ECT2L: variants seen among roughly 807,000 people sequenced by gnomAD.
ECT2L encodes epithelial cell-transforming sequence 2 oncogene-like.
In ECT2L, 126 loss-of-function variants were observed where a neutral mutation model predicts 122.8. The observed-to-expected ratio is 1.03, with a 90% confidence interval of 0.89 to 1.19. The LOEUF (loss-of-function observed/expected upper bound fraction) is 1.19. Ranked by LOEUF, ECT2L falls within the 50% of genes most tolerant of loss-of-function variation. ECT2L has a pLI of 0.00. For synonymous variants in ECT2L, 385 were observed against 381.8 expected, an observed-to-expected ratio of 1.01 and a Z score of -0.10; for missense variants, 1,012 against 1,064.1, an observed-to-expected ratio of 0.95 and a Z score of 0.68.
chr6:138,883,444 C>T (rs1778709625), intron 16 of ECT2L, among the ~76,000 whole-genome samples: 2 of 152,206 alleles, frequency 1.3e-5, no homozygotes, highest in African/African-American at 2.4e-5. Flanking sequence ...ATGGGAATAA[C>T]ATCCCTCTTT....
intron 18 of ECT2L, among the ~76,000 whole-genome samples, chr6:138,886,501 T>G (rs778161353): frequency 2.1e-4 from 31 of 150,808 alleles, no homozygotes; most frequent in Non-Finnish European, 3.7e-4. Flanking sequence ...TCTGCCTCCC[T>G]GATTCAAGCA....
At chr6:138,798,722 G>T (rs11753619) in intron 1 of ECT2L, among the ~76,000 whole-genome samples, 3 of 152,158 alleles carry the variant, frequency 2.0e-5, no homozygotes, top group Non-Finnish European at 2.9e-5. Flanking sequence ...CGTAGCAGTT[G>T]TTAAAGCAAA....
chr6:138,846,635 G>T lies in ECT2L; in HGVS notation c.861G>T (p.Arg287=). 6.2e-7 allele frequency: 1 copy of T among 1,610,544 alleles called. No homozygotes were observed. ...KNDDRSSYAL[R]PHFMLISSRI... is the part of the protein sequence containing the mutation. The stretch of plus-strand genomic sequence containing the variant: ...ATGACAGATCTTCATATGCTCTCCG[G>T]CCACACTTCATGTTAATATCATCCC... Residue 287 remains arginine (R), a synonymous_variant, in exon 8 of 22, where the codon CGG becomes CGT. Coordinates refer to ENST00000541398, the MANE Select transcript of ECT2L (RefSeq NM_001077706.3).
intron 1 of ECT2L, among the ~76,000 whole-genome samples, chr6:138,803,056 GAC>G: frequency 6.9e-6 from 1 of 144,844 alleles, no homozygotes; most frequent in Admixed American, 7.0e-5. Context: ...CAACCTGGGC[GAC>G]ACAGAGAGAG....
chr6:138,893,428 T>C (rs1779107017), intron 20 of ECT2L, among the ~76,000 whole-genome samples: 1 of 150,360 alleles, frequency 6.7e-6, no homozygotes, highest in Non-Finnish European at 1.5e-5. Context: ...TTTATTTTTA[T>C]TTTTTTTTGT....
In ECT2L at chr6:138,826,950, T is replaced by C. The variant is rs369074626; in HGVS notation, c.180-11402T>C. On this transcript the variant is annotated intron_variant, in intron 4 of 21. Coordinates refer to ENST00000541398, the MANE Select transcript of ECT2L (RefSeq NM_001077706.3). The stretch of plus-strand genomic sequence containing the variant: ...CTTCCCCTTCACCTTCCACCATGAT[T>C]GGAAGTTCCCTGAGGCCTCCTGAGA... Among the ~76,000 whole-genome samples the C allele has an allele frequency of 2.4e-4, 37 of 152,286 alleles. 1 individual carries two copies. The highest frequency in any genetic ancestry group is 6.8e-3 in the Middle Eastern group (2 of 294).
intron 20 of ECT2L, among the ~76,000 whole-genome samples, chr6:138,897,212 A>T (rs570065787): frequency 1.3e-5 from 2 of 152,180 alleles, no homozygotes; most frequent in South Asian, 4.1e-4. Flanking sequence ...CAGATTTCTG[A>T]AACACTAGGA....
At chr6:138,852,071 G>A (rs1368630244) in intron 9 of ECT2L, among the ~76,000 whole-genome samples, 1 of 152,094 alleles carries the variant, frequency 6.6e-6, no homozygotes, top group Non-Finnish European at 1.5e-5. Flanking sequence ...TTGAGCCCAG[G>A]AGCCCACAGC....
intron 5 of ECT2L, among the ~76,000 whole-genome samples, chr6:138,838,909 G>A (rs1194537376): frequency 6.6e-6 from 1 of 152,142 alleles, no homozygotes; most frequent in Non-Finnish European, 1.5e-5. Context: ...AGCCTCCTGA[G>A]TAGCTGGGAT....
At position 138,844,498 on chromosome 6, in the gene ECT2L, C is replaced by T. The variant is rs1374911364; in HGVS notation, c.682C>T (p.Gln228Ter). 1 of 1,614,072 alleles carries T rather than the reference C, an allele frequency of 6.2e-7. No individual in the cohort carries two copies. The highest frequency in any genetic ancestry group is 1.3e-5 in the African/African-American group (1 of 74,916). The change falls in exon 7 of 22, where the codon CAG (glutamine) becomes TAG (stop). Residue 228 changes from glutamine to a stop codon, truncating the protein, a stop_gained. Transcript: ENST00000541398. LOFTEE classifies it high-confidence loss of function. ...LKPRCQPRLS[Q>*]TVRERVGLHE... ...GCCCAGATGCCAACCACGCCTCTCCCAGACTGTAAGGGAGCGAGTGGGATT... is the reference window on the plus strand; with the variant it reads ...GCCCAGATGCCAACCACGCCTCTCCTAGACTGTAAGGGAGCGAGTGGGATT...
In ECT2L at chr6:138,855,936, G is replaced by A. The variant is rs11961683; in HGVS notation, c.1198+1782G>A. On this transcript the variant is annotated intron_variant, in intron 10 of 21. Coordinates refer to ENST00000541398, the MANE Select transcript of ECT2L (RefSeq NM_001077706.3). ...ATAAAGCGGGAAAAGTGGATTTGGT[G>A]ACATAAAAATTGTCTCAAGTGAAAC... is the stretch of plus-strand genomic sequence containing the variant. 6.6e-3 allele frequency among the ~76,000 whole-genome samples: 1,005 copies of A among 152,296 alleles called. 8 individuals carry two copies. The highest frequency in any genetic ancestry group is 0.022 in the African/African-American group (905 of 41,562).
chr6:138,849,563 A>G, intron 9 of ECT2L, 129 bp downstream of exon 9: 1 of 1,039,614 alleles, frequency 9.6e-7, no homozygotes, highest in Non-Finnish European at 1.3e-6. Context: ...GCTTTATGAA[A>G]AAAGCGAAGC....
chr6:138,881,269 C>T, intron 15 of ECT2L, 98 bp downstream of exon 15: 3 of 1,223,806 alleles, frequency 2.5e-6, no homozygotes, highest in Admixed American at 2.1e-5. Context: ...CAATGATGCT[C>T]TGACCCTCTT....
At chr6:138,865,493 G>A (rs1778003639) in intron 12 of ECT2L, among the ~76,000 whole-genome samples, 1 of 152,120 alleles carries the variant, frequency 6.6e-6, no homozygotes, top group Admixed American at 6.5e-5. Flanking sequence ...TTTCCCACTA[G>A]AATTTGCTCT....
intron 4 of ECT2L, among the ~76,000 whole-genome samples, chr6:138,816,675 T>C (rs368823252): frequency 2.6e-5 from 4 of 152,062 alleles, no homozygotes; most frequent in Non-Finnish European, 5.9e-5. Context: ...TTAGTAGAGA[T>C]GGGGTTTCAC....
At chr6:138,810,512 T>A (rs1775858837) in intron 1 of ECT2L, among the ~76,000 whole-genome samples, 1 of 152,210 alleles carries the variant, frequency 6.6e-6, no homozygotes, top group South Asian at 2.1e-4. Context: ...TCTAAACAAT[T>A]GTGGCAAATA....
At chr6:138,847,744 G>A (rs1777286901) in intron 8 of ECT2L, among the ~76,000 whole-genome samples, 1 of 151,966 alleles carries the variant, frequency 6.6e-6, no homozygotes, top group Non-Finnish European at 1.5e-5. Flanking sequence ...TGTCAAAGTT[G>A]CAAACAATAG....
intron 1 of ECT2L, among the ~76,000 whole-genome samples, chr6:138,808,018 C>T (rs1191097791): frequency 6.6e-6 from 1 of 152,072 alleles, no homozygotes; most frequent in Non-Finnish European, 1.5e-5. Flanking sequence ...CATTTTCATA[C>T]ACATTTTATA....
intron 5 of ECT2L, among the ~76,000 whole-genome samples, chr6:138,839,004 A>G (rs1242337578): frequency 6.6e-6 from 1 of 151,598 alleles, no homozygotes; most frequent in African/African-American, 2.4e-5. Flanking sequence ...CTTGTCTCGC[A>G]CTCCTGACCT....
Sources: gnomAD v4.1 joint callset for allele counts (sites outside exome capture counted in the v4.1 genomes callset) on GRCh38, gnomAD v4.1.1 for gene constraint, MANE v1.5 for transcripts, NCBI Gene and HGNC (gene_info 2026-07-23, HGNC 2026-07-21) for gene names.